Variants in LRRC4C observed in about 807,000 individuals in gnomAD.
The protein encoded by LRRC4C is leucine rich repeat containing 4C, also known as leucine-rich repeat-containing protein 4C.
In LRRC4C, 5 loss-of-function variants were observed where a neutral mutation model predicts 33.6. The ratio of observed to expected loss-of-function variants is 0.15; its 90% CI spans 0.08 to 0.31. LRRC4C has a LOEUF of 0.31. Among genes scored for constraint, LRRC4C ranks in the 10% least tolerant of loss-of-function variants. The probability of loss-of-function intolerance (pLI) is 1.00; values close to 1 mark genes in which losing one functional copy is unlikely to be tolerated. For synonymous variants in LRRC4C, 329 were observed against 302.0 expected, an observed-to-expected ratio of 1.09 and a Z score of -0.93; for missense variants, 560 against 796.7, an observed-to-expected ratio of 0.70 and a Z score of 3.58.
At chr11:40,779,773 T>C (rs536033982) in intron 2 of LRRC4C, among the ~76,000 whole-genome samples, 3 of 152,132 alleles carry the variant, frequency 2.0e-5, no homozygotes, top group Non-Finnish European at 4.4e-5. Context: ...GTAAACTTAT[T>C]TGGGGCGTTT....
intron 2 of LRRC4C, among the ~76,000 whole-genome samples, chr11:40,709,567 G>A (rs938137096): frequency 1.3e-5 from 2 of 152,180 alleles, no homozygotes; most frequent in Admixed American, 1.3e-4. Flanking sequence ...TTTCTGCTGA[G>A]AGATCTGCTG....
At chr11:40,268,851 T>A (rs1474182320) in intron 4 of LRRC4C, among the ~76,000 whole-genome samples, 2 of 152,148 alleles carry the variant, frequency 1.3e-5, no homozygotes, top group African/African-American at 4.8e-5. Flanking sequence ...AATTTTAAAC[T>A]TCCTCAGGAG....
At chr11:40,618,973 C>T (rs1040811943) in intron 3 of LRRC4C, among the ~76,000 whole-genome samples, 2 of 151,582 alleles carry the variant, frequency 1.3e-5, no homozygotes, top group Non-Finnish European at 3.0e-5. Context: ...CTCAAAGGTC[C>T]GGGGTTAGTA....
intron 1 of LRRC4C, among the ~76,000 whole-genome samples, chr11:41,259,797 T>C (rs1264700317): frequency 6.6e-6 from 1 of 152,054 alleles, no homozygotes; most frequent in Non-Finnish European, 1.5e-5. Context: ...TTGCAAAGTG[T>C]AGTAAGATAA....
rs537145698 is a variant in LRRC4C at position 40,881,973 on chromosome 11, A to G, written c.-407+51662T>C. ...ACTTCTTCCATTTTTGCTTCATACT[A>G]GAAGTCAGCAGGTTTTTTTTCTTAT... On this transcript the variant is annotated intron_variant, in intron 2 of 6. Coordinates refer to ENST00000528697, the MANE Select transcript of LRRC4C (RefSeq NM_001258419.2). Among the ~76,000 whole-genome samples, 277 of 152,204 alleles carry G rather than the reference A, an allele frequency of 1.8e-3. 1 individual carries two copies. The highest frequency in any genetic ancestry group is 6.5e-3 in the African/African-American group (271 of 41,548).
chr11:40,668,006 TG>T (rs1943906338), intron 2 of LRRC4C, among the ~76,000 whole-genome samples: 1 of 152,210 alleles, frequency 6.6e-6, no homozygotes, highest in Non-Finnish European at 1.5e-5. Flanking sequence ...CAATTCCGAG[TG>T]TGCTTTACAA....
chr11:41,003,247 G>T (rs988612828), intron 1 of LRRC4C, among the ~76,000 whole-genome samples: 2 of 151,944 alleles, frequency 1.3e-5, no homozygotes, highest in Non-Finnish European at 2.9e-5. Context: ...TTCAAAGGGA[G>T]TAATCATAAT....
chr11:41,163,746 G>T (rs1228725571), intron 1 of LRRC4C, among the ~76,000 whole-genome samples: 2 of 151,608 alleles, frequency 1.3e-5, no homozygotes, highest in Non-Finnish European at 2.9e-5. Flanking sequence ...TGAGTAGCTG[G>T]GATTACAGGT....
intron 3 of LRRC4C, among the ~76,000 whole-genome samples, chr11:40,493,926 T>C (rs1954293162): frequency 6.6e-6 from 1 of 152,200 alleles, no homozygotes; most frequent in Non-Finnish European, 1.5e-5. Flanking sequence ...TTCTCCTTTA[T>C]GTGATTTCCT....
Position 40,965,197 on chromosome 11 carries a change from G to A in LRRC4C, c.-495-31474C>T, listed in dbSNP as rs112897633. Among the ~76,000 whole-genome samples, 133 of 152,166 alleles carry A rather than the reference G, an allele frequency of 8.7e-4. 1 individual carries two copies. The highest frequency in any genetic ancestry group is 2.4e-3 in the African/African-American group (99 of 41,538). ...TGAGAAGTGTCTGTTCATATCCTTC[G>A]CCCACTTTTTGATGGGTTTTTTGTT... is the stretch of plus-strand genomic sequence containing the variant. On this transcript the variant is annotated intron_variant, in intron 1 of 6. Coordinates refer to ENST00000528697, the MANE Select transcript of LRRC4C (RefSeq NM_001258419.2).
At chr11:40,189,375 T>A (rs1861650825) in intron 5 of LRRC4C, among the ~76,000 whole-genome samples, 1 of 152,174 alleles carries the variant, frequency 6.6e-6, no homozygotes, top group Non-Finnish European at 1.5e-5. Flanking sequence ...TGTTGTGTTT[T>A]GGCCTTACAT....
At chr11:40,636,533 C>T (rs75618152) in intron 3 of LRRC4C, among the ~76,000 whole-genome samples, 5,887 of 152,198 alleles carry the variant, frequency 0.039, 382 homozygotes, top group African/African-American at 0.13. Context: ...CAAGTGGGCT[C>T]AGGATAGAGA....
chr11:41,259,331 G>A lies in LRRC4C; in HGVS notation c.-496+200100C>T, dbSNP rs902257488. 4.0e-5 allele frequency among the ~76,000 whole-genome samples: 6 copies of A among 151,838 alleles called. No homozygotes were observed. In the South Asian group the frequency reaches 1.0e-3, roughly 26 times the overall value. ...ATGTGAGTTAACTTTTTAATTTCCT[G>A]GTAGACATGGTTGTATTACTTAACT... On this transcript the variant is annotated intron_variant, in intron 1 of 6. Coordinates refer to ENST00000528697, the MANE Select transcript of LRRC4C (RefSeq NM_001258419.2).
At chr11:41,006,487 T>C (rs1452477251) in intron 1 of LRRC4C, among the ~76,000 whole-genome samples, 2 of 152,176 alleles carry the variant, frequency 1.3e-5, no homozygotes, top group Admixed American at 6.5e-5. Flanking sequence ...TTCATTAGCA[T>C]GTTTAACTTT....
At chr11:40,540,565 C>T (rs1956665291) in intron 3 of LRRC4C, among the ~76,000 whole-genome samples, 1 of 152,094 alleles carries the variant, frequency 6.6e-6, no homozygotes, top group South Asian at 2.1e-4. Flanking sequence ...GCTGCCCTGA[C>T]ACCTCCACCT....
chr11:40,609,526 TA>T (rs1161209021), intron 3 of LRRC4C, among the ~76,000 whole-genome samples: 8 of 151,398 alleles, frequency 5.3e-5, no homozygotes, highest in African/African-American at 1.9e-4. Context: ...AGTTCAAAGT[TA>T]AAAGAAGGAA....
At chr11:40,634,085 G>T (rs1963744992) in intron 3 of LRRC4C, among the ~76,000 whole-genome samples, 1 of 152,132 alleles carries the variant, frequency 6.6e-6, no homozygotes, top group South Asian at 2.1e-4. Flanking sequence ...TAGCTTCCAG[G>T]GTTGTTTTTG....
chr11:40,890,107 T>C (rs563541654), intron 2 of LRRC4C, among the ~76,000 whole-genome samples: 7 of 152,298 alleles, frequency 4.6e-5, no homozygotes, highest in African/African-American at 1.7e-4. Context: ...GTCACATTTA[T>C]TAAGATGGAG....
intron 2 of LRRC4C, among the ~76,000 whole-genome samples, chr11:40,836,689 G>A (rs1038988585): frequency 2.6e-5 from 4 of 152,082 alleles, no homozygotes; most frequent in African/African-American, 7.2e-5. Context: ...ACTCAACGTC[G>A]ATGTTTACTT....
Sources: gnomAD v4.1 joint callset for allele counts (sites outside exome capture counted in the v4.1 genomes callset) on GRCh38, gnomAD v4.1.1 for gene constraint, MANE v1.5 for transcripts, NCBI Gene and HGNC (gene_info 2026-07-23, HGNC 2026-07-21) for gene names.